CNTNAP5: variants seen among roughly 807,000 people sequenced by gnomAD.
CNTNAP5 encodes contactin associated protein family member 5.
A neutral mutation model predicts 150.2 loss-of-function variants in CNTNAP5; 72 were observed. The observed-to-expected ratio is 0.48, with a 90% CI of 0.40 to 0.58. CNTNAP5 has a LOEUF of 0.58. CNTNAP5 is among the 20% of genes least tolerant of loss of function. CNTNAP5 has a pLI of 0.00. For missense variants in CNTNAP5, 1,636 were observed against 1,626.2 expected (o/e 1.01, Z -0.10); for synonymous variants, 672 against 619.8 (o/e 1.08, Z -1.25).
intron 2 of CNTNAP5, among the ~76,000 whole-genome samples, chr2:124,240,951 G>A (rs1283799985): frequency 2.6e-5 from 4 of 152,152 alleles, no homozygotes; most frequent in East Asian, 1.9e-4. Flanking sequence ...CTGAAACATC[G>A]CTAAAATGAT....
chr2:124,343,862 G>A (rs150030030), intron 3 of CNTNAP5, among the ~76,000 whole-genome samples: 1 of 152,136 alleles, frequency 6.6e-6, no homozygotes, highest in African/African-American at 2.4e-5. Flanking sequence ...CTGGCTTCTG[G>A]TGAAAGCTTT....
At position 124,718,907 on chromosome 2, in the gene CNTNAP5, T is replaced by G. The variant is rs1003749623; in HGVS notation, c.2078-28322T>G. Among the ~76,000 whole-genome samples, 3 of 138,736 alleles carry G rather than the reference T, an allele frequency of 2.2e-5. No individual in the cohort carries two copies. In the South Asian group the frequency reaches 6.3e-4, roughly 29 times the overall value. The allele number at this position is 138,736 out of a possible 152,430, so 91.0% of individuals were successfully genotyped here. A position where few individuals can be genotyped will look rare whatever the true frequency, so the allele number is the denominator to read the frequency against. On this transcript the variant is annotated intron_variant, in intron 13 of 23. Coordinates refer to ENST00000682447, the MANE Select transcript of CNTNAP5 (RefSeq NM_001367498.1). ...TTGCAGTGAGCCGGGATTATGCCAC[T>G]GCACTCCAGCCTGGGCAACAGAGCA...
chr2:124,056,086 A>G (rs1355788331), intron 1 of CNTNAP5, among the ~76,000 whole-genome samples: 1 of 152,034 alleles, frequency 6.6e-6, no homozygotes, highest in Admixed American at 6.5e-5. Flanking sequence ...CTCATGTTAC[A>G]TTTCTTTTGC....
rs546828594 is a variant in CNTNAP5 at position 124,538,679 on chromosome 2, G to GAAGA, written c.1649+11227_1649+11230dup. On this transcript the variant is annotated intron_variant, in intron 10 of 23. Coordinates refer to ENST00000682447, the MANE Select transcript of CNTNAP5 (RefSeq NM_001367498.1). The stretch of plus-strand genomic sequence containing the variant: ...GAAGGAAGGAAAGAAAGAAAGGAAG[G>GAAGA]AAGAAAGGAAGAAAGAAAGAAAGAA... Among the ~76,000 whole-genome samples the GAAGA allele has an allele frequency of 3.8e-3, 579 of 150,496 alleles. 3 individuals carry two copies. The highest frequency in any genetic ancestry group is 0.013 in the African/African-American group (545 of 41,046).
intron 19 of CNTNAP5, among the ~76,000 whole-genome samples, chr2:124,844,548 TG>T (rs983152988): frequency 6.6e-6 from 1 of 151,690 alleles, no homozygotes; most frequent in Non-Finnish European, 1.5e-5. Context: ...ATGATGGTGG[TG>T]TTTTGATGGG....
At chr2:124,776,683 A>G (rs1010349580) in intron 17 of CNTNAP5, among the ~76,000 whole-genome samples, 3 of 152,184 alleles carry the variant, frequency 2.0e-5, no homozygotes, top group African/African-American at 7.2e-5. Context: ...AGTGCTTTCC[A>G]TTAGGCATGA....
intron 3 of CNTNAP5, among the ~76,000 whole-genome samples, chr2:124,271,832 A>G (rs529685135): frequency 2.0e-4 from 31 of 152,170 alleles, no homozygotes; most frequent in Middle Eastern, 3.4e-3. Context: ...CTCCTGCCTC[A>G]GCCTCTTGAG....
chr2:124,884,128 T>A (rs1678030573), intron 21 of CNTNAP5, among the ~76,000 whole-genome samples: 1 of 152,102 alleles, frequency 6.6e-6, no homozygotes, highest in Non-Finnish European at 1.5e-5. Context: ...ATGTGCATAT[T>A]TCTATGTATA....
At chr2:124,212,989 G>A (rs1026242724) in intron 1 of CNTNAP5, among the ~76,000 whole-genome samples, 1 of 151,500 alleles carries the variant, frequency 6.6e-6, no homozygotes. Flanking sequence ...CAGGCGCCTG[G>A]CACCACGCCC....
At chr2:124,471,192 C>T (rs183395169) in intron 6 of CNTNAP5, among the ~76,000 whole-genome samples, 13 of 152,208 alleles carry the variant, frequency 8.5e-5, no homozygotes, top group Middle Eastern at 3.4e-3. Flanking sequence ...ATTGATTCTC[C>T]GTATCCATGA....
At chr2:124,879,632 T>C (rs752767457) in intron 21 of CNTNAP5, among the ~76,000 whole-genome samples, 4 of 152,154 alleles carry the variant, frequency 2.6e-5, no homozygotes, top group Non-Finnish European at 5.9e-5. Context: ...GGAGTAGTAA[T>C]ACTTGCTTTA....
chr2:124,769,566 C>A (rs2104607387), intron 16 of CNTNAP5, among the ~76,000 whole-genome samples: 1 of 152,272 alleles, frequency 6.6e-6, no homozygotes, highest in African/African-American at 2.4e-5. Context: ...TGGGCTATGT[C>A]CACCTCTTCA....
At chr2:124,426,462 C>A (rs1451583599) in intron 4 of CNTNAP5, among the ~76,000 whole-genome samples, 2 of 152,142 alleles carry the variant, frequency 1.3e-5, no homozygotes, top group South Asian at 2.1e-4. Context: ...GAATAATAAT[C>A]ATTTTTCTTA....
chr2:124,861,826 G>A (rs1558804448), intron 19 of CNTNAP5, among the ~76,000 whole-genome samples: 1 of 151,952 alleles, frequency 6.6e-6, no homozygotes. Flanking sequence ...ATTATTATTA[G>A]TTTTTGAGAC....
intron 11 of CNTNAP5, among the ~76,000 whole-genome samples, chr2:124,573,652 T>C (rs1228978260): frequency 4.6e-5 from 7 of 152,212 alleles, no homozygotes; most frequent in South Asian, 4.1e-4. Flanking sequence ...CAACAGAAGA[T>C]TAATTGCCAG....
At chr2:124,350,112 A>G (rs1353572978) in intron 3 of CNTNAP5, among the ~76,000 whole-genome samples, 2 of 151,304 alleles carry the variant, frequency 1.3e-5, no homozygotes, top group Non-Finnish European at 2.9e-5. Flanking sequence ...TTGATCTCTT[A>G]ACCTCGTGAT....
At position 124,918,922 on chromosome 2, in the gene CNTNAP5, A is replaced by T. The variant is rs1024899187; in HGVS notation, c.*4634A>T. On this transcript the variant is annotated 3_prime_UTR_variant, in exon 24 of 24. Coordinates refer to ENST00000682447, the MANE Select transcript of CNTNAP5 (RefSeq NM_001367498.1). ...CTATTTTCTGTCTCATGCAGTTTGA[A>T]CATGTTTTCTTTAAAATACACATAA... 6.6e-6 allele frequency among the ~76,000 whole-genome samples: 1 copy of T among 152,092 alleles called. No individual in the cohort carries two copies. The highest frequency in any genetic ancestry group is 1.5e-5 in the Non-Finnish European group (1 of 67,994).
intron 7 of CNTNAP5, among the ~76,000 whole-genome samples, chr2:124,497,436 G>T (rs928264610): frequency 6.6e-6 from 1 of 152,162 alleles, no homozygotes; most frequent in South Asian, 2.1e-4. Context: ...AAAGAGGATG[G>T]ACTCCTAGCA....
chr2:124,230,747 G>A (rs1473776174), intron 2 of CNTNAP5, among the ~76,000 whole-genome samples: 2 of 151,988 alleles, frequency 1.3e-5, no homozygotes, highest in African/African-American at 4.8e-5. Context: ...GGTCAGACTG[G>A]TGTTGAACTC....
Sources: allele counts gnomAD v4.1 joint callset (sites outside exome capture counted in the v4.1 genomes callset), GRCh38; gene constraint gnomAD v4.1.1; transcripts MANE v1.5; gene names NCBI Gene and HGNC (gene_info 2026-07-23, HGNC 2026-07-21).